The following RNF180 variants were observed in gnomAD, a reference collection of about 807,000 sequenced individuals.
RNF180 encodes E3 ubiquitin-protein ligase RNF180.
In RNF180, 38 loss-of-function variants were observed where a neutral mutation model predicts 59.2. The observed-to-expected ratio is 0.64, with a 90% CI of 0.50 to 0.84. The LOEUF (loss-of-function observed/expected upper bound fraction) is 0.84, where lower values mean the gene tolerates loss of function less well. Ranked by LOEUF, RNF180 falls within the 40% of genes least tolerant of loss-of-function variation. RNF180 has a pLI of 0.00. For missense variants in RNF180, 705 were observed against 700.9 expected, an observed-to-expected ratio of 1.01 and a Z score of -0.07; for synonymous variants, 262 against 240.3, an observed-to-expected ratio of 1.09 and a Z score of -0.84.
At chr5:64,236,846 C>T (rs930173778) in intron 5 of RNF180, among the ~76,000 whole-genome samples, 1 of 152,184 alleles carries the variant, frequency 6.6e-6, no homozygotes, top group African/African-American at 2.4e-5. Flanking sequence ...AGCCCCAAGC[C>T]TTGGCGGCTT....
At chr5:64,255,850 C>T (rs1484031436) in intron 5 of RNF180, among the ~76,000 whole-genome samples, 2 of 152,220 alleles carry the variant, frequency 1.3e-5, no homozygotes, top group Non-Finnish European at 2.9e-5. Context: ...TCCACATCCT[C>T]TCCAGCACCT....
At chr5:64,326,696 G>C (rs893248584) in intron 6 of RNF180, among the ~76,000 whole-genome samples, 2 of 152,112 alleles carry the variant, frequency 1.3e-5, no homozygotes, top group African/African-American at 4.8e-5. Context: ...TCATCTTGAT[G>C]TGTTGTTGGA....
intron 5 of RNF180, among the ~76,000 whole-genome samples, chr5:64,253,813 A>T (rs558318789): frequency 2.6e-5 from 4 of 152,166 alleles, no homozygotes; most frequent in South Asian, 2.1e-4. Flanking sequence ...GAATTAAAGT[A>T]ATATCGGCAT....
At chr5:64,364,867 T>C (rs908961109) in intron 7 of RNF180, among the ~76,000 whole-genome samples, 3 of 151,780 alleles carry the variant, frequency 2.0e-5, no homozygotes, top group African/African-American at 7.2e-5. Flanking sequence ...CAAGTGTCCG[T>C]AATATTCTCT....
chr5:64,223,100 A>G (rs916643089), intron 5 of RNF180, among the ~76,000 whole-genome samples: 2 of 152,208 alleles, frequency 1.3e-5, no homozygotes, highest in African/African-American at 4.8e-5. Flanking sequence ...GCTGATATCA[A>G]TATGTTGACA....
chr5:64,312,026 C>G (rs10040308), intron 5 of RNF180, among the ~76,000 whole-genome samples: 38,751 of 151,738 alleles, frequency 0.26, 5,088 homozygotes, highest in Middle Eastern at 0.32. Context: ...TTTGAGGGTG[C>G]AAGGGAGAGA....
Position 64,371,837 on chromosome 5 carries a change from A to G in RNF180, c.*2023A>G, listed in dbSNP as rs1169191536. The G allele has an allele frequency of 1.3e-5, 2 of 151,656 alleles. No homozygotes were observed. Among genetic ancestry groups the G allele is most frequent in the African/African-American group, 4.8e-5 (2 of 41,390 alleles). The allele number at this position is 151,656 out of a possible 1,614,324, so 9.4% of individuals were successfully genotyped here. On this transcript the variant is annotated 3_prime_UTR_variant, in exon 8 of 8. Coordinates refer to ENST00000389100, the MANE Select transcript of RNF180 (RefSeq NM_001113561.2). ...TATTAAGAAGTATAGCATTTCCTAG[A>G]TCTACCAGCTTATAAGAAGCCAGAT... is the stretch of plus-strand genomic sequence containing the variant.
At position 64,176,599 on chromosome 5, in the gene RNF180, A is replaced by G. The variant is rs114762699; in HGVS notation, c.-1+10646A>G. Among the ~76,000 whole-genome samples the G allele has an allele frequency of 3.9e-3, 594 of 152,268 alleles. 3 individuals carry two copies. Among genetic ancestry groups the G allele is most frequent in the African/African-American group, 0.014 (574 of 41,564 alleles). Reference sequence around the variant, plus strand: ...TTTCATAAAAAAGCTGGCTGAGGAAATTGAAACTCCTGAGTTTTTTAATCT... The same window carrying G: ...TTTCATAAAAAAGCTGGCTGAGGAAGTTGAAACTCCTGAGTTTTTTAATCT... On this transcript the variant is annotated intron_variant, in intron 1 of 7. Coordinates refer to ENST00000389100, the MANE Select transcript of RNF180 (RefSeq NM_001113561.2).
chr5:64,256,276 G>A (rs9687814), intron 5 of RNF180, among the ~76,000 whole-genome samples: 42,886 of 151,926 alleles, frequency 0.28, 6,252 homozygotes, highest in African/African-American at 0.34. Context: ...GTCCTTGCCC[G>A]TGCCTATGTC....
At chr5:64,236,865 T>TGTTGGG (rs2112220649) in intron 5 of RNF180, among the ~76,000 whole-genome samples, 1 of 152,244 alleles carries the variant, frequency 6.6e-6, no homozygotes, top group South Asian at 2.1e-4. Flanking sequence ...TTCCACATGG[T>TGTTGGG]GTTGGGCCTG....
At chr5:64,353,275 A>G (rs1169676714) in intron 7 of RNF180, among the ~76,000 whole-genome samples, 1 of 151,760 alleles carries the variant, frequency 6.6e-6, no homozygotes, top group African/African-American at 2.4e-5. Flanking sequence ...TGTGGAAAAA[A>G]TCCTCAATTT....
intron 5 of RNF180, among the ~76,000 whole-genome samples, chr5:64,253,008 A>G (rs984192158): frequency 5.3e-5 from 8 of 152,084 alleles, no homozygotes; most frequent in Non-Finnish European, 1.2e-4. Flanking sequence ...GGGATAAAGG[A>G]AGGAAAAGAT....
At chr5:64,307,083 T>G (rs1743509259) in intron 5 of RNF180, among the ~76,000 whole-genome samples, 1 of 149,650 alleles carries the variant, frequency 6.7e-6, no homozygotes, top group Non-Finnish European at 1.5e-5. Context: ...AGCTTAACTG[T>G]GAGCCAAAGG....
rs1743444699 is a variant in RNF180, at chr5:64,306,193, ATTG to A, written c.1228-18990_1228-18988del. 2.0e-5 allele frequency among the ~76,000 whole-genome samples: 3 copies of A among 151,844 alleles called. No homozygotes were observed. The East Asian group carries it at 5.8e-4, about 29-fold the overall frequency. ...TTTCTTGAAACCCAATTGCATAAGA[ATTG>A]TTTTCTGTGAGATTGTTTATTCACA... On this transcript the variant is annotated intron_variant, in intron 5 of 7. Transcript: ENST00000389100.
At chr5:64,339,467 A>G (rs1298084678) in intron 7 of RNF180, among the ~76,000 whole-genome samples, 1 of 152,202 alleles carries the variant, frequency 6.6e-6, no homozygotes, top group East Asian at 1.9e-4. Context: ...AAAAATAACA[A>G]TTGTACAAAA....
chr5:64,196,371 C>T (rs958281874), intron 1 of RNF180, among the ~76,000 whole-genome samples: 2 of 152,000 alleles, frequency 1.3e-5, no homozygotes, highest in African/African-American at 4.8e-5. Flanking sequence ...CTAATGTTTT[C>T]GATAAACTCC....
chr5:64,362,624 C>T (rs952699997), intron 7 of RNF180, among the ~76,000 whole-genome samples: 8 of 151,666 alleles, frequency 5.3e-5, no homozygotes, highest in African/African-American at 1.2e-4. Context: ...TTGCTGGGGT[C>T]GAATGGTAGT....
intron 5 of RNF180, among the ~76,000 whole-genome samples, chr5:64,252,871 G>A (rs906633072): frequency 6.6e-6 from 1 of 152,052 alleles, no homozygotes; most frequent in Non-Finnish European, 1.5e-5. Flanking sequence ...AGCAGAGCCA[G>A]TATTAACAGA....
chr5:64,199,403 C>T (rs1405532862), intron 1 of RNF180, among the ~76,000 whole-genome samples: 6 of 152,122 alleles, frequency 3.9e-5, no homozygotes, highest in Admixed American at 3.3e-4. Context: ...TAGATTCCCT[C>T]GGGTAATTTT....
Sources: allele counts gnomAD v4.1 joint callset (sites outside exome capture counted in the v4.1 genomes callset), GRCh38; gene constraint gnomAD v4.1.1; transcripts MANE v1.5; gene names NCBI Gene and HGNC (gene_info 2026-07-23, HGNC 2026-07-21).